The following CHRNA4 variants were observed in gnomAD, a reference collection of about 807,000 sequenced individuals.
CHRNA4 encodes cholinergic receptor nicotinic alpha 4 subunit.
A neutral mutation model predicts 48.9 loss-of-function variants in CHRNA4; 28 were observed. The observed-to-expected ratio is 0.57, with a 90% CI of 0.42 to 0.79. The LOEUF is 0.79. CHRNA4 is among the 30% of genes least tolerant of loss of function. CHRNA4 has a pLI of 0.00. For synonymous variants in CHRNA4, 425 were observed against 402.3 expected (o/e 1.06, Z -0.68); for missense variants, 859 against 898.4 (o/e 0.96, Z 0.56).
intron 4 of CHRNA4, 169 bp downstream of exon 4, chr20:63,355,806 T>A (rs1282768906): frequency 2.0e-6 from 2 of 1,011,974 alleles, no homozygotes; most frequent in African/African-American, 3.2e-5. Context: ...ATTTCTCCAT[T>A]GCTCCTGCTT....
chr20:63,356,142 GC>G, intron 3 of CHRNA4, 58 bp from the exon 4 acceptor site: 1 of 715,486 alleles, frequency 1.4e-6, no homozygotes, highest in East Asian at 3.0e-5. Context: ...GAGGGCAGGG[GC>G]GGGACAGGGC....
chr20:63,348,541 C>T (rs962787793), intron 5 of CHRNA4, among the ~76,000 whole-genome samples: 6 of 152,238 alleles, frequency 3.9e-5, no homozygotes, highest in Admixed American at 1.3e-4. Context: ...TCCGAATAAA[C>T]CATCGAGGAT....
At chr20:63,348,338 C>T (rs2068528247) in intron 5 of CHRNA4, among the ~76,000 whole-genome samples, 1 of 152,244 alleles carries the variant, frequency 6.6e-6, no homozygotes, top group Non-Finnish European at 1.5e-5. Context: ...GGCAGCAAAG[C>T]AGGATCCCGA....
In CHRNA4 at chr20:63,361,190, G is replaced by A. The variant is rs1057518525; in HGVS notation, c.-25C>T. 8.2e-6 allele frequency: 12 copies of A among 1,460,014 alleles called. No homozygotes were observed. The highest frequency in any genetic ancestry group is 1.1e-5 in the Non-Finnish European group (12 of 1,109,248). The allele number at this position is 1,460,014 out of a possible 1,614,324, so 90.4% of individuals were successfully genotyped here. ...TGGCGCACGCACCTCGCGGGCTCTA[G>A]ATGCGGGCGGCTCCCGGCTCCCCGC... On this transcript the variant is annotated 5_prime_UTR_variant, in exon 1 of 6. Transcript: ENST00000370263.
chr20:63,354,929 T>C (rs1316181892), intron 4 of CHRNA4, among the ~76,000 whole-genome samples: 1 of 152,110 alleles, frequency 6.6e-6, no homozygotes, highest in Non-Finnish European at 1.5e-5. Flanking sequence ...CGTCCGGCCC[T>C]CCCACTGCCG....
At position 63,343,232 on chromosome 20, in the gene CHRNA4, T is replaced by C. The variant is rs935805955; in HGVS notation, c.*3506A>G. ...CAAAGCACGGCACACGTGGTGACGG[T>C]GCGTTTTATTCATTGAAGTCTGTGC... On this transcript the variant is annotated 3_prime_UTR_variant, in exon 6 of 6. Coordinates refer to ENST00000370263, the MANE Select transcript of CHRNA4 (RefSeq NM_000744.7). 1 of 390,236 alleles carries C rather than the reference T, an allele frequency of 2.6e-6. No individual in the cohort carries two copies. The highest frequency in any genetic ancestry group is 5.2e-6 in the Non-Finnish European group (1 of 192,548). The allele number at this position is 390,236 out of a possible 1,614,324, so 24.2% of individuals were successfully genotyped here. A position where few individuals can be genotyped will look rare whatever the true frequency, so the allele number is the denominator to read the frequency against.
At chr20:63,355,662 G>T in intron 4 of CHRNA4, 1 of 1,142,780 alleles carries the variant, frequency 8.8e-7, no homozygotes, top group Non-Finnish European at 1.2e-6. Context: ...GACTGGTCCA[G>T]GCAGGGACAC....
chr20:63,360,500 A>G (rs2068800175), intron 1 of CHRNA4, among the ~76,000 whole-genome samples: 1 of 152,086 alleles, frequency 6.6e-6, no homozygotes. Flanking sequence ...GCGCTGCCAT[A>G]AGGGGCGGGT....
At chr20:63,348,378 G>A (rs1347848877) in intron 5 of CHRNA4, among the ~76,000 whole-genome samples, 1 of 152,266 alleles carries the variant, frequency 6.6e-6, no homozygotes, top group Non-Finnish European at 1.5e-5. Context: ...CGTGACCCCA[G>A]AATGTTCTGG....
At chr20:63,356,139 GGGGC>G in intron 3 of CHRNA4, 55 bp from the exon 4 acceptor site, 1 of 739,372 alleles carries the variant, frequency 1.4e-6, no homozygotes, top group Non-Finnish European at 2.1e-6. Context: ...GGGGAGGGCA[GGGGC>G]GGGACAGGGC....
chr20:63,355,978 T>C lies in CHRNA4; in HGVS notation c.380A>G (p.Asn127Ser). Reference protein sequence around the residue: ...LIWRPDIVLYNNADGDFAVTH... With the variant: ...LIWRPDIVLYSNADGDFAVTH... ...TCACTTGTTGTAGAGGACTCACTTG[T>C]TGTAGAGGACGATGTCCGGCCGCCA... The change falls in exon 4 of 6, where the codon AAC becomes AGC. Residue 127 changes from asparagine (N) to serine (S), a missense_variant. Asn to Ser is a conservative substitution (Grantham distance 46). Transcript: ENST00000370263. 1 of 1,610,582 alleles carries C rather than the reference T, an allele frequency of 6.2e-7. No individual in the cohort carries two copies. The highest frequency in any genetic ancestry group is 2.2e-5 in the East Asian group (1 of 44,680).
At chr20:63,357,123 C>A (rs370091853) in intron 2 of CHRNA4, among the ~76,000 whole-genome samples, 1 of 133,580 alleles carries the variant, frequency 7.5e-6, no homozygotes, top group Non-Finnish European at 1.6e-5. Context: ...CACAGGACCA[C>A]GTCTCCACGG....
rs535406736 is a variant in CHRNA4 at position 63,351,114 on chromosome 20, T to C, written c.384-87A>G. On this transcript the variant is annotated intron_variant, in intron 4 of 5. Transcript: ENST00000370263. ...GCCCACTGCCACACCCATGCCCACG[T>C]CCACACCCACACCCACATCCACGCC... is the stretch of plus-strand genomic sequence containing the variant. 328 of 1,431,424 alleles carry C rather than the reference T, an allele frequency of 2.3e-4. 1 individual carries two copies. The highest frequency in any genetic ancestry group is 4.5e-4 in the Admixed American group (21 of 47,094). 88.7% of individuals were successfully genotyped at this position (1,431,424 alleles called of 1,614,324 possible). A position where few individuals can be genotyped will look rare whatever the true frequency, so the allele number is the denominator to read the frequency against.
chr20:63,345,024 C>T lies in CHRNA4; in HGVS notation c.*1714G>A. 2.2e-6 allele frequency: 1 copy of T among 447,844 alleles called. No individual in the cohort carries two copies. 27.7% of individuals were successfully genotyped at this position (447,844 alleles called of 1,614,324 possible). ...CACAGGCACCCGGGGGTGGGGGTGA[C>T]CAGCAGCAGTTCAGAGGCAGGTGTG... On this transcript the variant is annotated 3_prime_UTR_variant, in exon 6 of 6. Coordinates refer to ENST00000370263, the MANE Select transcript of CHRNA4 (RefSeq NM_000744.7). The surrounding 1 kb of genome is among the most constrained non-coding windows in gnomAD (Gnocchi z 5.4).
chr20:63,346,284 G>A lies in CHRNA4; in HGVS notation c.*454C>T, dbSNP rs199749211. 3.7e-5 allele frequency: 17 copies of A among 453,738 alleles called. No homozygotes were observed. Among genetic ancestry groups the A allele is most frequent in the Middle Eastern group, 6.9e-4 (1 of 1,442 alleles). The allele number at this position is 453,738 out of a possible 1,614,324, so 28.1% of individuals were successfully genotyped here. On this transcript the variant is annotated 3_prime_UTR_variant, in exon 6 of 6. Transcript: ENST00000370263. The stretch of plus-strand genomic sequence containing the variant: ...TGAAGCCCACACAGGCGCAGGACAC[G>A]GTGGGTGGGAGAGGCGGCCGGGCCT...
In CHRNA4 at chr20:63,355,990, A is replaced by T; in HGVS notation, c.368T>A (p.Ile123Asn). Residue 123 changes from isoleucine (I) to asparagine (N), a missense_variant, in exon 4 of 6, where the codon ATC becomes AAC. Physicochemically the swap from Ile to Asn is moderately radical, Grantham distance 149 (BLOSUM62 -3). This residue lies in a region of CHRNA4 where 342 missense variants were observed against 365.3 expected (regional missense o/e 0.94). Transcript: ENST00000370263. ...IPSELIWRPD[I>N]VLYNNADGDF... is the part of the protein sequence containing the mutation. ...GAGGACTCACTTGTTGTAGAGGACG[A>T]TGTCCGGCCGCCAGATGAGCTCGGA... is the stretch of plus-strand genomic sequence containing the variant. The T allele has an allele frequency of 6.2e-7, 1 of 1,610,710 alleles. No individual in the cohort carries two copies. Among genetic ancestry groups the T allele is most frequent in the Non-Finnish European group, 8.5e-7 (1 of 1,178,954 alleles).
chr20:63,353,943 TGACCCTCGGGGGGGCTGC>T (rs2068668596), intron 4 of CHRNA4, among the ~76,000 whole-genome samples: 1 of 18,200 alleles, frequency 5.5e-5, no homozygotes, highest in African/African-American at 2.0e-4. Flanking sequence ...TAGGGGGCTG[TGACCCTCGGGGGGGCTGC>T]GGTCCTGGGA....
intron 2 of CHRNA4, 54 bp downstream of exon 2, chr20:63,359,494 G>A: frequency 1.2e-6 from 2 of 1,608,700 alleles, no homozygotes; most frequent in Non-Finnish European, 1.7e-6. Flanking sequence ...AGACCCCTGT[G>A]CTCCTTGCAG....
intron 1 of CHRNA4, chr20:63,360,193 A>T (rs1394943058): frequency 5.2e-6 from 1 of 192,246 alleles, no homozygotes; most frequent in Non-Finnish European, 1.1e-5. Flanking sequence ...AGGAGGGAGT[A>T]CAGGGCAGCG....
Sources: gnomAD v4.1 joint callset for allele counts (sites outside exome capture counted in the v4.1 genomes callset) on GRCh38, gnomAD v4.1.1 for gene constraint, gnomAD v4.1.1 regional missense constraint, Gnocchi (gnomAD v3.1) non-coding constraint, MANE v1.5 for transcripts, NCBI Gene and HGNC (gene_info 2026-07-23, HGNC 2026-07-21) for gene names.